The following VPS13B variants were observed in gnomAD, a reference collection of about 807,000 sequenced individuals.
The protein encoded by VPS13B is intermembrane lipid transfer protein VPS13B.
VPS13B carries 285 observed loss-of-function variants against 426.4 expected under a neutral mutation model. The ratio of observed to expected loss-of-function variants is 0.67; its 90% CI spans 0.61 to 0.74. The LOEUF is 0.74. Among genes scored for constraint, VPS13B ranks in the 30% least tolerant of loss-of-function variants. The probability of loss-of-function intolerance (pLI) is 0.00; values close to 1 mark genes in which losing one functional copy is unlikely to be tolerated. For synonymous variants in VPS13B, 1,676 were observed against 1,676.4 expected (o/e 1.00, Z 0.01); for missense variants, 4,537 against 4,782.6 (o/e 0.95, Z 1.51).
rs182742505 is a variant in VPS13B at position 99,578,219 on chromosome 8, A to C, written c.5220+586A>C. On this transcript the variant is annotated intron_variant, in intron 33 of 61. Coordinates refer to ENST00000357162, the MANE Select transcript of VPS13B (RefSeq NM_152564.5). ...TCTTCTCAAGATATATTTTCTTTGC[A>C]TTTTGTTTCCACATTTCTCTAACAT... 2.1e-4 allele frequency among the ~76,000 whole-genome samples: 32 copies of C among 152,258 alleles called. No homozygotes were observed. In the East Asian group the frequency reaches 6.0e-3, roughly 28 times the overall value.
chr8:99,496,036 A>T (rs1366149018), intron 25 of VPS13B, among the ~76,000 whole-genome samples: 1 of 152,176 alleles, frequency 6.6e-6, no homozygotes, highest in African/African-American at 2.4e-5. Context: ...GCGTATAAAC[A>T]TAATTCCAAA....
intron 21 of VPS13B, among the ~76,000 whole-genome samples, chr8:99,431,317 T>C (rs1330044519): frequency 6.6e-6 from 1 of 152,158 alleles, no homozygotes; most frequent in Non-Finnish European, 1.5e-5. Flanking sequence ...CTGACAAGGG[T>C]GAATGCTCTC....
intron 20 of VPS13B, among the ~76,000 whole-genome samples, chr8:99,387,373 A>T (rs929024169): frequency 6.6e-6 from 1 of 151,940 alleles, no homozygotes; most frequent in Non-Finnish European, 1.5e-5. Context: ...ACCCACCACC[A>T]TGCCTGGCTA....
intron 39 of VPS13B, among the ~76,000 whole-genome samples, chr8:99,757,612 T>C (rs1810705599): frequency 6.6e-6 from 1 of 152,106 alleles, no homozygotes; most frequent in Non-Finnish European, 1.5e-5. Context: ...TAAAAACAAA[T>C]TAAGTGCCAA....
In VPS13B at chr8:99,511,403, C is replaced by T; in HGVS notation, c.4524C>T (p.Pro1508=). ...QKEKRKSPGQ[P]MRTHTLTSRN... ...AGAAAAGAAAATCTCCTGGTCAGCC[C>T]ATGAGGACCCATACACTGACATCCC... Residue 1508 remains proline, a synonymous_variant, in exon 29 of 62, where the codon CCC becomes CCT. Transcript: ENST00000357162. The T allele has an allele frequency of 1.9e-6, 3 of 1,613,812 alleles. No homozygotes were observed. In the East Asian group the frequency reaches 6.7e-5, roughly 36 times the overall value.
rs377170629 is a variant in VPS13B at position 99,817,795 on chromosome 8, G to T, written c.8353G>T (p.Val2785Phe). Residue 2785 changes from valine (V) to phenylalanine (F), a missense_variant, in exon 45 of 62, where the codon GTC becomes TTC. Coordinates refer to ENST00000357162, the MANE Select transcript of VPS13B (RefSeq NM_152564.5). ...ATCCAAAGCCCCTGAGTACAGCATT[G>T]TCATTCAGGTTTGAAAAGACGTTCA... The part of the protein sequence containing the change: ...LESKAPEYSI[V>F]IQVPSSNSSI... 1.2e-6 allele frequency: 2 copies of T among 1,613,914 alleles called. No individual in the cohort carries two copies. The highest frequency in any genetic ancestry group is 2.7e-5 in the African/African-American group (2 of 74,910).
chr8:99,651,276 T>G (rs1472074221), intron 34 of VPS13B, among the ~76,000 whole-genome samples: 1 of 152,200 alleles, frequency 6.6e-6, no homozygotes, highest in Non-Finnish European at 1.5e-5. Context: ...TAATAGAGTA[T>G]AATTCATATT....
intron 8 of VPS13B, among the ~76,000 whole-genome samples, chr8:99,131,101 G>A (rs1397740419): frequency 2.0e-5 from 3 of 152,090 alleles, no homozygotes; most frequent in African/African-American, 7.2e-5. Flanking sequence ...AACACATGCT[G>A]AATACCTTTT....
At chr8:99,245,558 A>T (rs555783395) in intron 17 of VPS13B, among the ~76,000 whole-genome samples, 2 of 152,228 alleles carry the variant, frequency 1.3e-5, no homozygotes, top group Admixed American at 6.5e-5. Context: ...TAAATATGAG[A>T]ATAATTCTTA....
At chr8:99,203,227 A>C (rs1036440572) in intron 17 of VPS13B, among the ~76,000 whole-genome samples, 2 of 152,184 alleles carry the variant, frequency 1.3e-5, no homozygotes, top group African/African-American at 4.8e-5. Context: ...GTCAATAAAC[A>C]TAATCCATCA....
chr8:99,835,756 TC>T lies in VPS13B; in HGVS notation c.9942+20del. 6.2e-7 allele frequency: 1 copy of T among 1,613,870 alleles called. No homozygotes were observed. The highest frequency in any genetic ancestry group is 8.5e-7 in the Non-Finnish European group (1 of 1,179,850). On this transcript the variant is annotated intron_variant, in intron 54 of 61. Transcript: ENST00000357162. ...GAACACAGGTCAGTGAGCCATGTGT[TC>T]CTGCCAAGACCCAAAGAAAAATGCC...
intron 3 of VPS13B, among the ~76,000 whole-genome samples, chr8:99,091,274 G>A (rs1846132208): frequency 6.6e-6 from 1 of 152,142 alleles, no homozygotes; most frequent in East Asian, 1.9e-4. Flanking sequence ...AGTGTTCACA[G>A]TGAATATGGT....
Position 99,699,536 on chromosome 8 carries a change from T to C in VPS13B, c.6058T>C (p.Leu2020=), listed in dbSNP as rs377724023. The C allele has an allele frequency of 1.2e-6, 2 of 1,613,522 alleles. No individual in the cohort carries two copies. The highest frequency in any genetic ancestry group is 2.7e-5 in the African/African-American group (2 of 74,900). The change falls in exon 36 of 62, where the codon TTG becomes CTG. Residue 2020 remains leucine (L), a synonymous_variant. Transcript: ENST00000357162. ...DFLNGPADVN[L]DISKPLKANL... is the part of the protein sequence containing the mutation. ...TTTTACTTCTATAGCGGATGTCAATTTGGATATATCAAAGCCTTTGAAAGC... is the reference window on the plus strand; with the variant it reads ...TTTTACTTCTATAGCGGATGTCAATCTGGATATATCAAAGCCTTTGAAAGC...
At chr8:99,612,586 C>T (rs1048494601) in intron 33 of VPS13B, among the ~76,000 whole-genome samples, 3 of 152,150 alleles carry the variant, frequency 2.0e-5, no homozygotes, top group African/African-American at 7.2e-5. Context: ...TTCCCTTTGC[C>T]TGCTGAACTA....
chr8:99,046,174 T>G (rs1201028998), intron 3 of VPS13B, among the ~76,000 whole-genome samples: 1 of 152,198 alleles, frequency 6.6e-6, no homozygotes, highest in Non-Finnish European at 1.5e-5. Context: ...TACCCATCCA[T>G]GAGCATGAGA....
In VPS13B at chr8:99,353,078, T is replaced by C. The variant is rs542390061; in HGVS notation, c.2825-31130T>C. Among the ~76,000 whole-genome samples the C allele has an allele frequency of 5.3e-5, 8 of 152,030 alleles. No homozygotes were observed. In the Middle Eastern group the frequency reaches 0.014, roughly 259 times the overall value. ...CTCACTGCAACCTCCGCCTCCTAGA[T>C]TCAAGCAATTCTTGTGCTTCATCCT... On this transcript the variant is annotated intron_variant, in intron 19 of 61. Transcript: ENST00000357162.
chr8:99,223,999 C>T (rs1815877089), intron 17 of VPS13B, among the ~76,000 whole-genome samples: 2 of 152,080 alleles, frequency 1.3e-5, no homozygotes, highest in Admixed American at 6.5e-5. Context: ...GATATTTTAG[C>T]TTCAGGATTT....
intron 35 of VPS13B, among the ~76,000 whole-genome samples, chr8:99,692,313 T>C (rs1831713595): frequency 7.0e-6 from 1 of 143,528 alleles, no homozygotes. Flanking sequence ...CCTCAGCAAA[T>C]GTAAAAGAAC....
chr8:99,681,249 T>C (rs1429996254), intron 35 of VPS13B, among the ~76,000 whole-genome samples: 3 of 152,218 alleles, frequency 2.0e-5, no homozygotes, highest in Non-Finnish European at 4.4e-5. Context: ...CTGGTACTTT[T>C]GAAAGGAATA....
Sources: gnomAD v4.1 joint callset for allele counts (sites outside exome capture counted in the v4.1 genomes callset) on GRCh38, gnomAD v4.1.1 for gene constraint, MANE v1.5 for transcripts, NCBI Gene and HGNC (gene_info 2026-07-23, HGNC 2026-07-21) for gene names.